Variants in TMEM132B observed in about 807,000 individuals in gnomAD.
TMEM132B encodes transmembrane protein 132B.
Under a neutral mutation model 90.8 loss-of-function variants are expected in TMEM132B, and 18 were observed. The observed-to-expected ratio is 0.20, with a 90% CI of 0.14 to 0.29. The LOEUF (loss-of-function observed/expected upper bound fraction) is 0.29. TMEM132B is among the 10% of genes least tolerant of loss of function. The probability of loss-of-function intolerance (pLI) is 1.00; values close to 1 mark genes in which losing one functional copy is unlikely to be tolerated. For missense variants in TMEM132B, 1,096 were observed against 1,326.8 expected (o/e 0.83, Z 2.70); for synonymous variants, 504 against 523.3 (o/e 0.96, Z 0.50).
At chr12:125,482,988 C>T (rs977784286) in intron 3 of TMEM132B, among the ~76,000 whole-genome samples, 10 of 151,694 alleles carry the variant, frequency 6.6e-5, no homozygotes, top group African/African-American at 1.5e-4. Flanking sequence ...AGCAAACTAT[C>T]GCAAGGACAG....
intron 3 of TMEM132B, among the ~76,000 whole-genome samples, chr12:125,442,227 T>C (rs1880894728): frequency 6.6e-6 from 1 of 152,240 alleles, no homozygotes; most frequent in African/African-American, 2.4e-5. Context: ...CGTGTGCTGT[T>C]ACTGCCTTTG....
At chr12:125,229,707 C>G (rs1873771734) in intron 1 of TMEM132B, among the ~76,000 whole-genome samples, 1 of 152,216 alleles carries the variant, frequency 6.6e-6, no homozygotes, top group African/African-American at 2.4e-5. Context: ...AACAGTAACA[C>G]TGGGAATGTC....
intron 1 of TMEM132B, among the ~76,000 whole-genome samples, chr12:125,275,389 C>T (rs769999828): frequency 6.6e-6 from 1 of 152,094 alleles, no homozygotes; most frequent in African/African-American, 2.4e-5. Context: ...TTGGTAGCAC[C>T]CATTATGTGT....
At chr12:125,309,021 A>G (rs1876063206) in intron 1 of TMEM132B, among the ~76,000 whole-genome samples, 1 of 152,180 alleles carries the variant, frequency 6.6e-6, no homozygotes. Flanking sequence ...ATGTTAGCAC[A>G]TTTACACTTA....
intron 1 of TMEM132B, among the ~76,000 whole-genome samples, chr12:125,234,536 A>G (rs1324015101): frequency 6.6e-6 from 1 of 152,138 alleles, no homozygotes; most frequent in African/African-American, 2.4e-5. Context: ...TGCCGAGTCA[A>G]GTGGGGCCCA....
chr12:125,192,044 A>G (rs1020899914), intron 1 of TMEM132B, among the ~76,000 whole-genome samples: 6 of 152,230 alleles, frequency 3.9e-5, no homozygotes, highest in Non-Finnish European at 1.5e-5. Context: ...TGCTGCAGCC[A>G]TCACAGCTGC....
rs78969592 is a variant in TMEM132B at position 125,228,058 on chromosome 12, A to G, written c.67+41192A>G. Among the ~76,000 whole-genome samples the G allele has an allele frequency of 7.5e-3, 1,136 of 152,234 alleles. 10 individuals carry two copies. Among genetic ancestry groups the G allele is most frequent in the Non-Finnish European group, 0.014 (952 of 68,014 alleles). On this transcript the variant is annotated intron_variant, in intron 1 of 8. Coordinates refer to ENST00000682704, the MANE Select transcript of TMEM132B (RefSeq NM_001366854.1). ...TCCTGGAATCATCTCCAAATGAAAC[A>G]CCTGTACTCTAATTATTGTCTCAGA...
At chr12:125,520,275 A>G (rs1412956825) in intron 4 of TMEM132B, among the ~76,000 whole-genome samples, 1 of 152,172 alleles carries the variant, frequency 6.6e-6, no homozygotes, top group Non-Finnish European at 1.5e-5. Flanking sequence ...TTCCACGGAG[A>G]CAGTAAGTCC....
chr12:125,211,320 A>G (rs1437025399), intron 1 of TMEM132B, among the ~76,000 whole-genome samples: 1 of 152,200 alleles, frequency 6.6e-6, no homozygotes, highest in African/African-American at 2.4e-5. Context: ...AGCTGGGTTT[A>G]TGGGTCTGGA....
chr12:125,352,686 T>C (rs1000430531), intron 2 of TMEM132B, among the ~76,000 whole-genome samples: 1 of 152,256 alleles, frequency 6.6e-6, no homozygotes, highest in Non-Finnish European at 1.5e-5. Context: ...GGCATATAAA[T>C]TCCAACATAA....
chr12:125,260,875 C>T (rs1425472955), intron 1 of TMEM132B, among the ~76,000 whole-genome samples: 2 of 152,076 alleles, frequency 1.3e-5, no homozygotes, highest in African/African-American at 2.4e-5. Flanking sequence ...ATGATTTCAC[C>T]ACTGCACTGC....
rs1882620337 is a variant in TMEM132B at position 125,498,736 on chromosome 12, C to G, written c.1107-20703C>G. On this transcript the variant is annotated intron_variant, in intron 3 of 8. Transcript: ENST00000682704. This position sits in a 1 kb window ranked among gnomAD's most constrained non-coding sequence, Gnocchi z 4.5. ...TATTTACTTTGGGTTACTAGAGTCC[C>G]ATGGGGCTTGTTCTAATGTCCTTAC... Among the ~76,000 whole-genome samples, 1 of 152,210 alleles carries G rather than the reference C, an allele frequency of 6.6e-6. No homozygotes were observed. Among genetic ancestry groups the G allele is most frequent in the Non-Finnish European group, 1.5e-5 (1 of 68,042 alleles).
intron 4 of TMEM132B, among the ~76,000 whole-genome samples, chr12:125,558,047 A>G (rs1884433572): frequency 1.3e-5 from 2 of 152,224 alleles, no homozygotes; most frequent in African/African-American, 4.8e-5. Flanking sequence ...TGGCTTTCAG[A>G]CAATTGATTT....
At chr12:125,559,130 C>T (rs1884460544) in intron 4 of TMEM132B, among the ~76,000 whole-genome samples, 1 of 152,152 alleles carries the variant, frequency 6.6e-6, no homozygotes, top group South Asian at 2.1e-4. Context: ...GAAAGACTGG[C>T]CCAAGAAGGA....
At chr12:125,594,194 A>G (rs1288343061) in intron 5 of TMEM132B, among the ~76,000 whole-genome samples, 1 of 152,200 alleles carries the variant, frequency 6.6e-6, no homozygotes, top group Admixed American at 6.5e-5. Flanking sequence ...TGCTTCTTCC[A>G]TCCAGTTAAT....
chr12:125,230,902 G>A (rs1873805116), intron 1 of TMEM132B, among the ~76,000 whole-genome samples: 1 of 152,102 alleles, frequency 6.6e-6, no homozygotes, highest in South Asian at 2.1e-4. Context: ...TTGTTGGTTC[G>A]TGGCCTGTCC....
chr12:125,591,695 GA>G (rs1478596664), intron 5 of TMEM132B, among the ~76,000 whole-genome samples: 1 of 152,180 alleles, frequency 6.6e-6, no homozygotes, highest in Non-Finnish European at 1.5e-5. Context: ...CTCTAGAGGA[GA>G]ATCGTTCCTT....
intron 3 of TMEM132B, among the ~76,000 whole-genome samples, chr12:125,505,333 G>A (rs1487675178): frequency 1.3e-5 from 2 of 151,824 alleles, no homozygotes; most frequent in Non-Finnish European, 2.9e-5. Flanking sequence ...GACATGAAAT[G>A]GAGAAAAATA....
Position 125,410,549 on chromosome 12 carries a change from TGAGTG to T in TMEM132B, c.960-4963_960-4959del, listed in dbSNP as rs1438744168. ...AGTGGAGTGGAGGAGTGGAGTGGAG[TGAGTG>T]GAGTGGAGTGGAGTGGAGGAGTGGA... On this transcript the variant is annotated intron_variant, in intron 2 of 8. Coordinates refer to ENST00000682704, the MANE Select transcript of TMEM132B (RefSeq NM_001366854.1). Among the ~76,000 whole-genome samples the T allele has an allele frequency of 6.7e-4, 2 of 3,002 alleles. 1 individual carries two copies. Among genetic ancestry groups the T allele is most frequent in the Non-Finnish European group, 1.3e-3 (2 of 1,546 alleles). 2.0% of individuals were successfully genotyped at this position (3,002 alleles called of 152,430 possible).
Sources: gnomAD v4.1 joint callset for allele counts (sites outside exome capture counted in the v4.1 genomes callset) on GRCh38, gnomAD v4.1.1 for gene constraint, Gnocchi (gnomAD v3.1) non-coding constraint, MANE v1.5 for transcripts, NCBI Gene and HGNC (gene_info 2026-07-23, HGNC 2026-07-21) for gene names.